The following C16orf46 variants were observed in gnomAD, a reference collection of about 807,000 sequenced individuals.
The protein encoded by C16orf46 is chromosome 16 open reading frame 46.
In C16orf46, 7 loss-of-function variants were observed where a neutral mutation model predicts 5.5. That is an observed-to-expected ratio of 1.28 (90% CI 0.73 to 2.40). C16orf46 has a LOEUF of 2.40. C16orf46 is among the 30% of genes most tolerant of loss of function. The pLI is 0.00. For missense variants in C16orf46, 614 were observed against 476.0 expected, an observed-to-expected ratio of 1.29 and a Z score of -2.70; for synonymous variants, 200 against 184.1, an observed-to-expected ratio of 1.09 and a Z score of -0.70.
chr16:81,073,527 T>C (rs1309940774), intron 1 of C16orf46, among the ~76,000 whole-genome samples: 1 of 152,140 alleles, frequency 6.6e-6, no homozygotes, highest in African/African-American at 2.4e-5. Flanking sequence ...AAATATAACA[T>C]CCACAAATAT....
In C16orf46 at chr16:81,064,664, T is replaced by C. The variant is rs143364163; in HGVS notation, c.-38-671A>G. Among the ~76,000 whole-genome samples, 1,174 of 151,816 alleles carry C rather than the reference T, an allele frequency of 7.7e-3. 15 individuals carry two copies. Among genetic ancestry groups the C allele is most frequent in the African/African-American group, 0.027 (1,114 of 41,408 alleles). ...TGGGAGGCTGAGGCAGGAGAATCAC[T>C]TGAATCCGGGAGGTGGAGGTTGCAG... On this transcript the variant is annotated intron_variant, in intron 2 of 3. Transcript: ENST00000299578.
At chr16:81,077,095 G>A (rs1343838523) in intron 1 of C16orf46, 41 bp downstream of exon 1, 1 of 152,368 alleles carries the variant, frequency 6.6e-6, no homozygotes. Context: ...AGTGGTCCCG[G>A]GCCTTGCCCC....
exon 4 of C16orf46, chr16:81,053,600 G>T: frequency 6.5e-6 from 1 of 153,246 alleles, no homozygotes; most frequent in Non-Finnish European, 1.5e-5. Context: ...ACCTATCAGA[G>T]ACCACAGCCA....
At chr16:81,062,296 A>T (rs1971510991) in intron 3 of C16orf46, among the ~76,000 whole-genome samples, 158 bp from the exon 4 acceptor site, 1 of 152,096 alleles carries the variant, frequency 6.6e-6, no homozygotes, top group African/African-American at 2.4e-5. Context: ...AATTTTCTTA[A>T]AATTCATTCA....
intron 1 of C16orf46, among the ~76,000 whole-genome samples, 163 bp from the exon 2 acceptor site, chr16:81,066,444 A>G (rs1011786043): frequency 6.6e-6 from 1 of 152,094 alleles, no homozygotes; most frequent in African/African-American, 2.4e-5. Flanking sequence ...GGTTCAAGCA[A>G]TTCTCCTGCC....
At chr16:81,069,551 A>C (rs1567578597) in intron 1 of C16orf46, among the ~76,000 whole-genome samples, 1 of 151,596 alleles carries the variant, frequency 6.6e-6, no homozygotes, top group Non-Finnish European at 1.5e-5. Flanking sequence ...CCTCACTTTA[A>C]GGAGAAGCGG....
intron 1 of C16orf46, among the ~76,000 whole-genome samples, chr16:81,066,507 T>G (rs552581683): frequency 6.6e-6 from 1 of 152,302 alleles, no homozygotes; most frequent in East Asian, 1.9e-4. Flanking sequence ...GCCTGGCTAA[T>G]TTTTTTGTAA....
intron 1 of C16orf46, among the ~76,000 whole-genome samples, chr16:81,068,736 C>T (rs1193342191): frequency 6.6e-6 from 1 of 152,014 alleles, no homozygotes; most frequent in African/African-American, 2.4e-5. Context: ...AAGTCTCGCT[C>T]TGTCACCCAT....
chr16:81,054,334 C>G (rs2549896), intron 3 of C16orf46, among the ~76,000 whole-genome samples: 117,034 of 151,462 alleles, frequency 0.77, 47,922 homozygotes, highest in Non-Finnish European at 0.91. Flanking sequence ...CGTGAGCCCA[C>G]CGAAATTAAG....
chr16:81,054,820 CTATTTT>C (rs935392422), intron 3 of C16orf46, among the ~76,000 whole-genome samples: 1 of 150,474 alleles, frequency 6.6e-6, no homozygotes, highest in Non-Finnish European at 1.5e-5. Context: ...CCTAATTTTT[CTATTTT>C]TAGTAGAGGC....
intron 1 of C16orf46, among the ~76,000 whole-genome samples, chr16:81,067,122 G>C (rs1971676784): frequency 6.6e-6 from 1 of 152,058 alleles, no homozygotes; most frequent in Non-Finnish European, 1.5e-5. Context: ...GGAAACGAAA[G>C]AAAGATGGTG....
chr16:81,061,316 T>G lies in C16orf46; in HGVS notation c.1033A>C (p.Arg345=). 2 of 1,614,148 alleles carry G rather than the reference T, an allele frequency of 1.2e-6. No individual in the cohort carries two copies. Among genetic ancestry groups the G allele is most frequent in the Non-Finnish European group, 1.7e-6 (2 of 1,180,020 alleles). Residue 345 remains arginine (R), a synonymous_variant, in exon 4 of 4, where the codon AGA becomes CGA. Coordinates refer to ENST00000299578, the MANE Select transcript of C16orf46 (RefSeq NM_152337.3). ...YKSKFKAKEP[R]SPVITRKHVL... is the part of the protein sequence containing the mutation. ...TGCTTTCGGGTGATCACAGGAGATC[T>G]TGGCTCCTTGGCTTTGAATTTGGAT...
At chr16:81,065,140 G>A (rs1260429534) in intron 2 of C16orf46, among the ~76,000 whole-genome samples, 1 of 152,132 alleles carries the variant, frequency 6.6e-6, no homozygotes, top group Non-Finnish European at 1.5e-5. Flanking sequence ...TCCCTTGAGC[G>A]ATGACTTACT....
intron 1 of C16orf46, among the ~76,000 whole-genome samples, chr16:81,075,800 T>G (rs1202732741): frequency 6.6e-6 from 1 of 152,234 alleles, no homozygotes; most frequent in African/African-American, 2.4e-5. Context: ...TATACCTGGT[T>G]GACAGATTCC....
chr16:81,070,347 GA>G (rs1209364614), intron 1 of C16orf46, among the ~76,000 whole-genome samples: 2 of 152,148 alleles, frequency 1.3e-5, no homozygotes, highest in East Asian at 1.9e-4. Flanking sequence ...GAAACATTTT[GA>G]AAAGTTAGAA....
intron 1 of C16orf46, among the ~76,000 whole-genome samples, chr16:81,075,597 C>T (rs1254208953): frequency 6.6e-6 from 1 of 152,078 alleles, no homozygotes; most frequent in Non-Finnish European, 1.5e-5. Context: ...CAAAACAAAA[C>T]AAAGAAAATT....
At chr16:81,063,659 A>G in intron 3 of C16orf46, 87 bp downstream of exon 3, 4 of 1,138,786 alleles carry the variant, frequency 3.5e-6, no homozygotes, top group Non-Finnish European at 5.1e-6. Context: ...TTTTTTGGTA[A>G]TATTAACTAT....
chr16:81,064,894 T>A (rs2151752048), intron 2 of C16orf46, among the ~76,000 whole-genome samples: 1 of 152,330 alleles, frequency 6.6e-6, no homozygotes. Flanking sequence ...ACTTTGAGAA[T>A]CCAGACCTAT....
At chr16:81,071,645 C>T (rs1365259979) in intron 1 of C16orf46, among the ~76,000 whole-genome samples, 2 of 151,954 alleles carry the variant, frequency 1.3e-5, no homozygotes, top group African/African-American at 4.8e-5. Context: ...ACTAGGGAGG[C>T]TGAAGTGGGG....
Sources: gnomAD v4.1 joint callset for allele counts (sites outside exome capture counted in the v4.1 genomes callset) on GRCh38, gnomAD v4.1.1 for gene constraint, MANE v1.5 for transcripts, NCBI Gene and HGNC (gene_info 2026-07-23, HGNC 2026-07-21) for gene names.